PRELID2: variants seen among roughly 807,000 people sequenced by gnomAD.
PRELID2 encodes the protein PRELI domain-containing protein 2.
Under a neutral mutation model 28.4 loss-of-function variants are expected in PRELID2, and 25 were observed. The ratio of observed to expected loss-of-function variants is 0.88; its 90% confidence interval spans 0.64 to 1.23. The LOEUF (loss-of-function observed/expected upper bound fraction) is 1.23. PRELID2 is among the 50% of genes most tolerant of loss of function. The probability of loss-of-function intolerance (pLI) is 0.00; values close to 1 mark genes in which losing one functional copy is unlikely to be tolerated. For missense variants in PRELID2, 201 were observed against 214.4 expected (o/e 0.94, Z 0.39); for synonymous variants, 76 against 71.6 (o/e 1.06, Z -0.31).
the PRELID2 span, chr5:145,429,782 T>C: frequency 3.9e-5 from 6 of 152,310 alleles, no homozygotes; most frequent in African/African-American, 1.2e-4. Flanking sequence ...CTTTGACCAA[T>C]AGAATGTAGT....
chr5:145,674,820 A>C (rs1754781819), intron 1 of PRELID2, among the ~76,000 whole-genome samples: 1 of 151,960 alleles, frequency 6.6e-6, no homozygotes, highest in Non-Finnish European at 1.5e-5. Flanking sequence ...GGTGGTGCAC[A>C]CCTGTAGTCC....
chr5:145,697,060 TATATATATATATATATATATAC>T (rs1447729901), intron 1 of PRELID2, among the ~76,000 whole-genome samples: 102 of 120,946 alleles, frequency 8.4e-4, no homozygotes, highest in African/African-American at 3.9e-3. Context: ...TATATATATA[TATATATATATATATATATATAC>T]ACACACACAC....
intron 6 of PRELID2, among the ~76,000 whole-genome samples, chr5:145,764,132 T>C (rs1418190913): frequency 1.3e-5 from 2 of 152,156 alleles, no homozygotes; most frequent in South Asian, 2.1e-4. Flanking sequence ...CTATAAATTC[T>C]GTAAGATGTA....
intron 5 of PRELID2, among the ~76,000 whole-genome samples, chr5:145,792,276 T>C (rs1752447282): frequency 6.6e-6 from 1 of 152,180 alleles, no homozygotes; most frequent in South Asian, 2.1e-4. Flanking sequence ...AAAACTACTT[T>C]GCCACTTGGG....
intron 1 of PRELID2, among the ~76,000 whole-genome samples, chr5:145,704,490 C>T (rs1755488679): frequency 6.6e-6 from 1 of 152,192 alleles, no homozygotes; most frequent in Non-Finnish European, 1.5e-5. Flanking sequence ...TCTGCATACT[C>T]ATATTTGACA....
At chr5:145,742,220 TTA>T (rs1158126098) in intron 1 of PRELID2, among the ~76,000 whole-genome samples, 3 of 139,968 alleles carry the variant, frequency 2.1e-5, no homozygotes, top group Non-Finnish European at 3.1e-5. Flanking sequence ...ACATTTTTAT[TTA>T]TATATAAATA....
chr5:145,463,571 A>G, the PRELID2 span, among the ~76,000 whole-genome samples: 1 of 152,192 alleles, frequency 6.6e-6, no homozygotes, highest in Non-Finnish European at 1.5e-5. Flanking sequence ...GTGTTCCCCT[A>G]TGCAACTTCA....
chr5:145,383,700 AAAGTT>A, the PRELID2 span, among the ~76,000 whole-genome samples: 264 of 151,566 alleles, frequency 1.7e-3, 2 homozygotes, highest in African/African-American at 6.1e-3. Flanking sequence ...CCTACAAGTT[AAAGTT>A]AAGTGTAAAA....
chr5:145,690,694 T>G (rs372675292), intron 1 of PRELID2, among the ~76,000 whole-genome samples: 16 of 152,150 alleles, frequency 1.1e-4, no homozygotes, highest in African/African-American at 3.9e-4. Flanking sequence ...CTTTTTTATT[T>G]AAGCCACGTG....
chr5:145,509,970 A>G (rs1752446890), intron 1 of PRELID2, among the ~76,000 whole-genome samples: 2 of 152,178 alleles, frequency 1.3e-5, no homozygotes, highest in South Asian at 2.1e-4. Flanking sequence ...TTAAGTAATT[A>G]TATTACTTAA....
At chr5:145,569,508 T>A (rs1011764976) in intron 1 of PRELID2, among the ~76,000 whole-genome samples, 8 of 152,180 alleles carry the variant, frequency 5.3e-5, no homozygotes, top group African/African-American at 1.9e-4. Flanking sequence ...CTACTAATAT[T>A]ACCCTGCATT....
intron 1 of PRELID2, among the ~76,000 whole-genome samples, chr5:145,603,027 G>T (rs995937737): frequency 3.3e-5 from 5 of 152,092 alleles, no homozygotes; most frequent in Non-Finnish European, 5.9e-5. Flanking sequence ...ACTCCAGCCT[G>T]GGTGACAAGA....
the PRELID2 span, among the ~76,000 whole-genome samples, chr5:145,461,943 A>T: frequency 6.6e-6 from 1 of 152,234 alleles, no homozygotes; most frequent in African/African-American, 2.4e-5. Context: ...CAGCATGAGT[A>T]AAAAATAAAC....
chr5:145,641,199 C>T (rs550918280), intron 1 of PRELID2, among the ~76,000 whole-genome samples: 11 of 151,748 alleles, frequency 7.2e-5, no homozygotes, highest in South Asian at 4.2e-4. Flanking sequence ...AAGACACCAT[C>T]AATAAGTTAA....
chr5:145,750,519 G>T (rs2149750752), intron 1 of PRELID2, among the ~76,000 whole-genome samples: 1 of 152,138 alleles, frequency 6.6e-6, no homozygotes, highest in East Asian at 1.9e-4. Context: ...AATCAAATCA[G>T]ATGCTAAGAT....
chr5:145,512,292 C>G (rs79268236), intron 1 of PRELID2, among the ~76,000 whole-genome samples: 1 of 152,120 alleles, frequency 6.6e-6, no homozygotes, highest in African/African-American at 2.4e-5. Flanking sequence ...GTGGGTGCAG[C>G]CCCCAGAGTG....
At chr5:145,571,334 G>C (rs991069227) in intron 1 of PRELID2, among the ~76,000 whole-genome samples, 2 of 152,092 alleles carry the variant, frequency 1.3e-5, no homozygotes, top group Admixed American at 6.6e-5. Flanking sequence ...GACAGGAAGT[G>C]GGGGGCCAAA....
the PRELID2 span, among the ~76,000 whole-genome samples, chr5:145,377,661 G>A: frequency 6.6e-6 from 1 of 152,144 alleles, no homozygotes; most frequent in East Asian, 1.9e-4. Flanking sequence ...CTTAAAGACT[G>A]TTTTGTCAGA....
At chr5:145,317,137 C>A in the PRELID2 span, among the ~76,000 whole-genome samples, 1 of 152,184 alleles carries the variant, frequency 6.6e-6, no homozygotes, top group Non-Finnish European at 1.5e-5. Flanking sequence ...GGACTCAGAG[C>A]AATTTCTTGT....
Sources: gnomAD v4.1 joint callset for allele counts (sites outside exome capture counted in the v4.1 genomes callset) on GRCh38, gnomAD v4.1.1 for gene constraint, MANE v1.5 for transcripts, NCBI Gene and HGNC (gene_info 2026-07-23, HGNC 2026-07-21) for gene names.